The following ADGRB3 variants were observed in gnomAD, a reference collection of about 807,000 sequenced individuals.
ADGRB3 encodes adhesion G protein-coupled receptor B3.
A neutral mutation model predicts 193.4 loss-of-function variants in ADGRB3; 37 were observed. The observed-to-expected ratio is 0.19, with a 90% confidence interval of 0.15 to 0.25. The LOEUF (loss-of-function observed/expected upper bound fraction) is 0.25. Ranked by LOEUF, ADGRB3 falls within the 10% of genes least tolerant of loss-of-function variation. The probability of loss-of-function intolerance (pLI) is 1.00; values close to 1 mark genes in which losing one functional copy is unlikely to be tolerated. For synonymous variants in ADGRB3, 690 were observed against 644.2 expected, an observed-to-expected ratio of 1.07 and a Z score of -1.08; for missense variants, 1,637 against 1,852.9, an observed-to-expected ratio of 0.88 and a Z score of 2.14.
intron 3 of ADGRB3, among the ~76,000 whole-genome samples, chr6:68,672,661 T>C (rs1768994182): frequency 6.6e-6 from 1 of 152,112 alleles, no homozygotes; most frequent in East Asian, 1.9e-4. Flanking sequence ...TACTGTCTAC[T>C]GCAGAGTTTG....
Position 69,324,971 on chromosome 6 carries a change from G to A in ADGRB3, c.2914G>A (p.Gly972Arg). 6.2e-7 allele frequency: 1 copy of A among 1,613,830 alleles called. No homozygotes were observed. Among genetic ancestry groups the A allele is most frequent in the Non-Finnish European group, 8.5e-7 (1 of 1,179,850 alleles). ...GTGGCAATCATATATGGCTGTAACT[G>A]GAAAAATTAGGACACGGCTTATAAG... ...EAWQSYMAVT[G>R]KIRTRLIRKR... Residue 972 changes from glycine to arginine, a missense_variant, in exon 21 of 32, where the codon GGA becomes AGA. Physicochemically the swap from Gly to Arg is moderately radical, Grantham distance 125. This residue lies in a region of ADGRB3 where 87 missense variants were observed against 161.0 expected (regional missense o/e 0.54). Transcript: ENST00000370598.
At chr6:69,072,536 T>A (rs1168854168) in intron 16 of ADGRB3, among the ~76,000 whole-genome samples, 1 of 152,240 alleles carries the variant, frequency 6.6e-6, no homozygotes, top group Non-Finnish European at 1.5e-5. Context: ...TTTCTAATTT[T>A]TTTTTTGTTG....
intron 3 of ADGRB3, among the ~76,000 whole-genome samples, chr6:68,927,895 A>G (rs1767226618): frequency 6.6e-6 from 1 of 152,120 alleles, no homozygotes; most frequent in Admixed American, 6.6e-5. Flanking sequence ...AACAATTCCA[A>G]TTCAAACTTC....
intron 17 of ADGRB3, among the ~76,000 whole-genome samples, chr6:69,121,487 G>A (rs549633038): frequency 3.3e-4 from 50 of 151,938 alleles, no homozygotes; most frequent in African/African-American, 1.1e-3. Flanking sequence ...AACTGCCATC[G>A]TCATCATGGC....
chr6:69,110,941 T>C (rs1006848775), intron 17 of ADGRB3, among the ~76,000 whole-genome samples: 2 of 152,130 alleles, frequency 1.3e-5, no homozygotes, highest in African/African-American at 2.4e-5. Flanking sequence ...TCTAGGAAAA[T>C]CATGAAAGGA....
intron 3 of ADGRB3, among the ~76,000 whole-genome samples, chr6:68,802,868 T>C (rs1767338248): frequency 1.3e-5 from 2 of 152,180 alleles, no homozygotes; most frequent in South Asian, 4.1e-4. Context: ...TTAATTCAAT[T>C]CCTTTATTAA....
intron 20 of ADGRB3, among the ~76,000 whole-genome samples, chr6:69,265,165 C>T (rs767279335): frequency 7.2e-5 from 11 of 151,868 alleles, no homozygotes; most frequent in Non-Finnish European, 1.5e-4. Flanking sequence ...TCCTGAAAAT[C>T]AACCATGAAA....
chr6:68,907,012 A>G (rs1766566903), intron 3 of ADGRB3, among the ~76,000 whole-genome samples: 1 of 151,920 alleles, frequency 6.6e-6, no homozygotes, highest in Admixed American at 6.6e-5. Flanking sequence ...TCATCTTTCT[A>G]AACCTCAAAT....
In ADGRB3 at chr6:69,266,585, A is replaced by G. The variant is rs371971307; in HGVS notation, c.2814+27359A>G. Among the ~76,000 whole-genome samples, 84 of 152,164 alleles carry G rather than the reference A, an allele frequency of 5.5e-4. 1 individual carries two copies. The highest frequency in any genetic ancestry group is 3.4e-3 in the Middle Eastern group (1 of 294). On this transcript the variant is annotated intron_variant, in intron 20 of 31. Coordinates refer to ENST00000370598, the MANE Select transcript of ADGRB3 (RefSeq NM_001704.3). ...CCAGTTTCAATGTTATAGTTTAGTA[A>G]TATACCCTATAATCTTTTCCTATTA...
At position 68,956,168 on chromosome 6, in the gene ADGRB3, G is replaced by A; in HGVS notation, c.1340G>A (p.Cys447Tyr). The A allele has an allele frequency of 6.2e-7, 1 of 1,612,928 alleles. No homozygotes were observed. The highest frequency in any genetic ancestry group is 8.5e-7 in the Non-Finnish European group (1 of 1,179,356). Residue 447 changes from cysteine (C) to tyrosine (Y), a missense_variant, in exon 7 of 32, where the codon TGC (cysteine) becomes TAC (tyrosine). By Grantham distance (194) the Cys-to-Tyr change is radical. Coordinates refer to ENST00000370598, the MANE Select transcript of ADGRB3 (RefSeq NM_001704.3). ...CRGPWAESRE[C>Y]YNPECTANGQ... The stretch of plus-strand genomic sequence containing the variant: ...GGGCCATGGGCAGAAAGCAGAGAGT[G>A]CTATAACCCTGAATGTACAGGTAGG...
chr6:69,357,163 T>A (rs1216675071), intron 28 of ADGRB3, among the ~76,000 whole-genome samples: 1 of 152,066 alleles, frequency 6.6e-6, no homozygotes, highest in East Asian at 1.9e-4. Context: ...TTTTAAATTA[T>A]CGTGCTCAAA....
intron 17 of ADGRB3, among the ~76,000 whole-genome samples, chr6:69,089,794 C>A (rs1270804697): frequency 1.3e-5 from 2 of 152,192 alleles, no homozygotes; most frequent in Non-Finnish European, 2.9e-5. Flanking sequence ...GGGTGTTAAG[C>A]AGCATACCTG....
chr6:69,084,430 A>C (rs2150315418), intron 17 of ADGRB3, among the ~76,000 whole-genome samples: 1 of 152,326 alleles, frequency 6.6e-6, no homozygotes, highest in South Asian at 2.1e-4. Context: ...ATGGTAATAA[A>C]ATTCAGAAAT....
At position 69,286,770 on chromosome 6, in the gene ADGRB3, T is replaced by C. The variant is rs901107617; in HGVS notation, c.2815-38102T>C. 2.0e-5 allele frequency among the ~76,000 whole-genome samples: 3 copies of C among 152,180 alleles called. No homozygotes were observed. The South Asian group carries it at 6.2e-4, about 31-fold the overall frequency. On this transcript the variant is annotated intron_variant, in intron 20 of 31. Coordinates refer to ENST00000370598, the MANE Select transcript of ADGRB3 (RefSeq NM_001704.3). ...ACCTAACTCTTAGGAAACAGGCTAT[T>C]GTAAGAAAAGAAAATGAACATTCCA...
At chr6:69,325,181 A>G (rs1768541601) in intron 21 of ADGRB3, among the ~76,000 whole-genome samples, 159 bp downstream of exon 21, 1 of 152,168 alleles carries the variant, frequency 6.6e-6, no homozygotes, top group South Asian at 2.1e-4. Flanking sequence ...TTCATTGGTC[A>G]TTTGGAACTT....
At chr6:68,702,208 AAG>A (rs140234329) in intron 3 of ADGRB3, among the ~76,000 whole-genome samples, 88 of 148,554 alleles carry the variant, frequency 5.9e-4, no homozygotes, top group Non-Finnish European at 6.4e-4. Flanking sequence ...AGGAGCGAGA[AAG>A]AGAGAGAGAG....
intron 3 of ADGRB3, among the ~76,000 whole-genome samples, chr6:68,867,109 T>A (rs1765316957): frequency 6.6e-6 from 1 of 152,148 alleles, no homozygotes; most frequent in African/African-American, 2.4e-5. Flanking sequence ...GGGAAAAATG[T>A]CTCCAGGGCA....
rs538862186 is a variant in ADGRB3 at position 69,016,406 on chromosome 6, C to G, written c.1999-1985C>G. 3.3e-5 allele frequency among the ~76,000 whole-genome samples: 5 copies of G among 152,008 alleles called. No homozygotes were observed. The South Asian group carries it at 1.0e-3, about 32-fold the overall frequency. On this transcript the variant is annotated intron_variant, in intron 12 of 31. Coordinates refer to ENST00000370598, the MANE Select transcript of ADGRB3 (RefSeq NM_001704.3). ...GATTACAAAGACCCTATTACATAGC[C>G]AAACAGTGTCCTCAAGGTAAACGGT...
chr6:69,149,246 C>G (rs2343259), intron 17 of ADGRB3, among the ~76,000 whole-genome samples: 43,118 of 151,556 alleles, frequency 0.28, 8,137 homozygotes, highest in East Asian at 0.84. Context: ...CCTTTTATTT[C>G]CTCTGACTGT....
Sources: gnomAD v4.1 joint callset for allele counts (sites outside exome capture counted in the v4.1 genomes callset) on GRCh38, gnomAD v4.1.1 for gene constraint, gnomAD v4.1.1 regional missense constraint, MANE v1.5 for transcripts, NCBI Gene and HGNC (gene_info 2026-07-23, HGNC 2026-07-21) for gene names.